Variants in OPHN1 observed in about 807,000 individuals in gnomAD.
The protein encoded by OPHN1 is oligophrenin 1, also known as oligophrenin-1.
OPHN1 carries 11 observed loss-of-function variants against 60.7 expected under a neutral mutation model. The observed-to-expected ratio is 0.18, with a 90% CI of 0.11 to 0.30. The LOEUF (loss-of-function observed/expected upper bound fraction) is 0.30. OPHN1 is among the 10% of genes least tolerant of loss of function. The pLI, the probability that OPHN1 is intolerant of heterozygous loss-of-function variation, is 1.00. For missense variants in OPHN1, 449 were observed against 611.0 expected (o/e 0.73, Z 2.80); for synonymous variants, 226 against 222.6 (o/e 1.02, Z -0.14).
intron 13 of OPHN1, 113 bp from the exon 14 acceptor site, chrX:68,194,065 T>C: frequency 3.3e-6 from 2 of 611,386 alleles, no homozygotes; most frequent in South Asian, 4.9e-5. Flanking sequence ...TTTTAGTTGC[T>C]CATTTCTAGT....
chrX:68,083,294 G>A (rs2076982486), intron 19 of OPHN1, among the ~76,000 whole-genome samples: 1 of 106,086 alleles, frequency 9.4e-6, no homozygotes, highest in African/African-American at 3.4e-5. Context: ...GGATGGTCTC[G>A]ATCTCCTGAC....
intron 2 of OPHN1, among the ~76,000 whole-genome samples, chrX:68,340,758 C>T (rs1314532701): frequency 9.0e-6 from 1 of 111,323 alleles, no homozygotes; most frequent in Non-Finnish European, 1.9e-5. Context: ...AATCCCAGCA[C>T]TTTGGGAGGC....
intron 5 of OPHN1, among the ~76,000 whole-genome samples, chrX:68,243,255 G>C (rs1338152505): frequency 1.8e-5 from 2 of 111,209 alleles, no homozygotes; most frequent in Non-Finnish European, 3.8e-5. Context: ...CGGGTACAGA[G>C]TTTCTGCTTG....
chrX:68,180,156 C>A (rs2077430419), intron 15 of OPHN1, among the ~76,000 whole-genome samples: 1 of 111,590 alleles, frequency 9.0e-6, no homozygotes, highest in Admixed American at 9.6e-5. Context: ...GTCTACCTTA[C>A]TATATCCAAG....
chrX:68,432,526 C>A (rs931694569), intron 2 of OPHN1, among the ~76,000 whole-genome samples: 4 of 111,660 alleles, frequency 3.6e-5, no homozygotes, highest in Non-Finnish European at 7.5e-5. Context: ...TGTCACTTTG[C>A]CCCAGACAGG....
intron 9 of OPHN1, among the ~76,000 whole-genome samples, chrX:68,207,079 T>C (rs1325482181): frequency 9.0e-6 from 1 of 110,782 alleles, no homozygotes; most frequent in Non-Finnish European, 1.9e-5. Context: ...TCCTCTCCAT[T>C]CCTTTTTAAC....
intron 11 of OPHN1, among the ~76,000 whole-genome samples, chrX:68,201,084 A>G (rs1405849353): frequency 1.8e-5 from 2 of 111,777 alleles, no homozygotes; most frequent in Non-Finnish European, 3.8e-5. Flanking sequence ...CCTTAGCTGT[A>G]AGATCTGAAA....
intron 10 of OPHN1, among the ~76,000 whole-genome samples, chrX:68,203,991 T>C (rs1424537372): frequency 8.8e-6 from 1 of 113,055 alleles, no homozygotes; most frequent in East Asian, 2.8e-4. Context: ...GAACAGTGTT[T>C]TATTCATCTT....
chrX:68,155,369 T>A (rs2077304738), intron 15 of OPHN1, among the ~76,000 whole-genome samples: 1 of 111,395 alleles, frequency 9.0e-6, no homozygotes, highest in Admixed American at 9.5e-5. Context: ...TGAATTGTAA[T>A]CCCCATACTC....
chrX:68,300,636 T>C (rs188426765), intron 2 of OPHN1, among the ~76,000 whole-genome samples: 63 of 112,424 alleles, frequency 5.6e-4, no homozygotes, highest in African/African-American at 1.9e-3. Context: ...CAAAACTGGC[T>C]CCATGTCTGG....
chrX:68,346,358 G>C (rs775979254), intron 2 of OPHN1, among the ~76,000 whole-genome samples: 1 of 111,758 alleles, frequency 8.9e-6, no homozygotes, highest in Non-Finnish European at 1.9e-5. Context: ...TTAATAGGAG[G>C]CTGTATCAAA....
intron 14 of OPHN1, among the ~76,000 whole-genome samples, chrX:68,193,226 A>G (rs760003163): frequency 8.9e-6 from 1 of 112,236 alleles, no homozygotes; most frequent in African/African-American, 3.2e-5. Context: ...ACTCTATAGT[A>G]AATAGAAGCA....
intron 15 of OPHN1, among the ~76,000 whole-genome samples, chrX:68,153,581 C>T (rs1337549394): frequency 8.9e-6 from 1 of 111,922 alleles, no homozygotes; most frequent in Admixed American, 9.5e-5. Flanking sequence ...TGTCTAATGG[C>T]CTTCCCTAGA....
At chrX:68,170,312 G>A (rs2077383384) in intron 15 of OPHN1, among the ~76,000 whole-genome samples, 1 of 104,556 alleles carries the variant, frequency 9.6e-6, no homozygotes, top group African/African-American at 3.6e-5. Flanking sequence ...GGAGAAATAG[G>A]AACACTTTTA....
intron 11 of OPHN1, among the ~76,000 whole-genome samples, chrX:68,199,367 G>T (rs755901774): frequency 9.0e-6 from 1 of 111,230 alleles, no homozygotes; most frequent in South Asian, 3.9e-4. Flanking sequence ...CAGATATGGT[G>T]GTGCACACCT....
chrX:68,057,877 G>A (rs147195296), intron 21 of OPHN1, among the ~76,000 whole-genome samples: 37 of 111,627 alleles, frequency 3.3e-4, no homozygotes, highest in African/African-American at 1.2e-3. Flanking sequence ...GACCTTCAGC[G>A]GATCATTTCC....
chrX:68,279,238 G>T (rs190844074), intron 4 of OPHN1, among the ~76,000 whole-genome samples: 1 of 98,579 alleles, frequency 1.0e-5, no homozygotes, highest in African/African-American at 3.8e-5. Flanking sequence ...TCAGCCTCCC[G>T]AGTAGCTGGG....
chrX:68,185,400 T>C (rs1203207301), intron 15 of OPHN1, among the ~76,000 whole-genome samples: 1 of 111,974 alleles, frequency 8.9e-6, no homozygotes, highest in African/African-American at 3.2e-5. Flanking sequence ...ACCAGATTCC[T>C]AGAGATCCAG....
intron 22 of OPHN1, 90 bp downstream of exon 22, chrX:68,053,555 C>A: frequency 1.1e-6 from 1 of 943,363 alleles, no homozygotes; most frequent in Non-Finnish European, 1.5e-6. Flanking sequence ...CAGGGCTGTG[C>A]ACTGTATACC....
Sources: allele counts gnomAD v4.1 joint callset (sites outside exome capture counted in the v4.1 genomes callset), GRCh38; gene constraint gnomAD v4.1.1; transcripts MANE v1.5; gene names NCBI Gene and HGNC (gene_info 2026-07-23, HGNC 2026-07-21).